S100Z: variants seen among roughly 807,000 people sequenced by gnomAD.
S100Z encodes S100 calcium binding protein Z.
Under a neutral mutation model 8.5 loss-of-function variants are expected in S100Z, and 11 were observed. The ratio of observed to expected loss-of-function variants is 1.30; its 90% CI spans 0.82 to 2.15. The LOEUF (loss-of-function observed/expected upper bound fraction) is 2.15, where lower values mean the gene tolerates loss of function less well. Ranked by LOEUF, S100Z falls within the 30% of genes most tolerant of loss-of-function variation. The pLI is 0.00. For synonymous variants in S100Z, 34 were observed against 43.8 expected (o/e 0.78, Z 0.89); for missense variants, 126 against 117.9 (o/e 1.07, Z -0.32).
At chr5:76,874,798 C>T (rs1743120753) in intron 2 of S100Z, among the ~76,000 whole-genome samples, 1 of 151,994 alleles carries the variant, frequency 6.6e-6, no homozygotes. Context: ...TAGGGATTAG[C>T]GAGGAGAAAC....
chr5:76,929,185 A>C, the S100Z span, among the ~76,000 whole-genome samples: 1 of 152,246 alleles, frequency 6.6e-6, no homozygotes, highest in Non-Finnish European at 1.5e-5. Flanking sequence ...ATGGAAAAAC[A>C]TAGGAAGAGG....
chr5:76,900,751 A>G (rs10038878), intron 4 of S100Z, among the ~76,000 whole-genome samples: 105,097 of 151,974 alleles, frequency 0.69, 37,023 homozygotes, highest in African/African-American at 0.82. Flanking sequence ...TAGTTCATTT[A>G]ATGAGGTCAT....
intron 4 of S100Z, among the ~76,000 whole-genome samples, chr5:76,887,706 C>T (rs771518043): frequency 1.7e-4 from 26 of 152,114 alleles, no homozygotes; most frequent in Non-Finnish European, 3.1e-4. Context: ...CCCAGAAGAG[C>T]CTTTCAATCT....
At chr5:76,889,791 C>T (rs1176776070) in intron 4 of S100Z, among the ~76,000 whole-genome samples, 1 of 152,212 alleles carries the variant, frequency 6.6e-6, no homozygotes, top group Non-Finnish European at 1.5e-5. Flanking sequence ...GTTTCTTATG[C>T]CCGGGGGCAC....
intron 4 of S100Z, among the ~76,000 whole-genome samples, chr5:76,910,557 C>G (rs1415351251): frequency 6.6e-6 from 1 of 152,150 alleles, no homozygotes; most frequent in African/African-American, 2.4e-5. Context: ...AAAGATTGTC[C>G]AACGAGAAAC....
downstream of S100Z, among the ~76,000 whole-genome samples, chr5:76,922,614 C>T (rs989582600): frequency 9.8e-5 from 15 of 152,334 alleles, no homozygotes; most frequent in East Asian, 2.7e-3. Flanking sequence ...AGCTCCGCCT[C>T]CTGGGTTCAT....
intron 4 of S100Z, among the ~76,000 whole-genome samples, chr5:76,879,247 G>A (rs1376800470): frequency 2.6e-5 from 4 of 152,140 alleles, no homozygotes; most frequent in Non-Finnish European, 5.9e-5. Flanking sequence ...TTGCAACTAT[G>A]AGGACCGTGG....
chr5:76,944,218 G>T, the S100Z span, among the ~76,000 whole-genome samples: 1 of 152,124 alleles, frequency 6.6e-6, no homozygotes, highest in Non-Finnish European at 1.5e-5. Context: ...TGCCTGGTGG[G>T]TGCCACATCT....
chr5:76,923,762 T>C (rs1745088292), downstream of S100Z, among the ~76,000 whole-genome samples: 1 of 152,222 alleles, frequency 6.6e-6, no homozygotes. Context: ...AGCATTAGCA[T>C]AGCCTGCACC....
chr5:76,904,784 ATCC>A (rs1235600210), intron 4 of S100Z, among the ~76,000 whole-genome samples: 1 of 151,922 alleles, frequency 6.6e-6, no homozygotes, highest in African/African-American at 2.4e-5. Flanking sequence ...GGCTCAAGTA[ATCC>A]TCCTGCCTCA....
chr5:76,883,079 C>T (rs1743472493), intron 4 of S100Z, among the ~76,000 whole-genome samples: 1 of 152,112 alleles, frequency 6.6e-6, no homozygotes, highest in Non-Finnish European at 1.5e-5. Flanking sequence ...CATGCTGTAA[C>T]AGGCAAGTGA....
the S100Z span, among the ~76,000 whole-genome samples, chr5:76,934,229 T>TA: frequency 2.3e-4 from 35 of 152,302 alleles, no homozygotes; most frequent in African/African-American, 8.2e-4. Context: ...CATGAGTGCT[T>TA]AAAAAACACA....
chr5:76,937,213 T>C, the S100Z span, among the ~76,000 whole-genome samples: 3 of 151,072 alleles, frequency 2.0e-5, no homozygotes, highest in Non-Finnish European at 4.4e-5. Flanking sequence ...ACATATCACT[T>C]AAGGACACAT....
At chr5:76,879,118 T>C (rs1743300069) in intron 4 of S100Z, among the ~76,000 whole-genome samples, 1 of 152,136 alleles carries the variant, frequency 6.6e-6, no homozygotes, top group South Asian at 2.1e-4. Context: ...TCTGGGAATG[T>C]TTTGCTATTG....
At chr5:76,922,367 T>C (rs73122076), downstream of S100Z, among the ~76,000 whole-genome samples, 13,900 of 152,258 alleles carry the variant, frequency 0.091, 1,941 homozygotes, top group African/African-American at 0.3. Context: ...TCTATTCTTC[T>C]GAAGGAAGCT....
chr5:76,891,616 G>T (rs1291495360), intron 4 of S100Z, among the ~76,000 whole-genome samples: 1 of 152,146 alleles, frequency 6.6e-6, no homozygotes, highest in Non-Finnish European at 1.5e-5. Flanking sequence ...AATAGAGATG[G>T]TCTAGACTCT....
intron 2 of S100Z, among the ~76,000 whole-genome samples, chr5:76,872,533 T>A (rs1036257356): frequency 6.6e-6 from 1 of 151,838 alleles, no homozygotes; most frequent in African/African-American, 2.4e-5. Flanking sequence ...TGATAACATG[T>A]GCCTGTTGTC....
chr5:76,895,426 T>A (rs1320691316), intron 4 of S100Z, among the ~76,000 whole-genome samples: 2 of 152,038 alleles, frequency 1.3e-5, no homozygotes, highest in Non-Finnish European at 2.9e-5. Flanking sequence ...TCATCAAATA[T>A]TATCTAGTGC....
chr5:76,927,915 T>G, the S100Z span, among the ~76,000 whole-genome samples: 1 of 152,028 alleles, frequency 6.6e-6, no homozygotes. Context: ...AAAAGCCAGG[T>G]TCAAGCTGAA....
Sources: gnomAD v4.1 joint callset for allele counts (sites outside exome capture counted in the v4.1 genomes callset) on GRCh38, gnomAD v4.1.1 for gene constraint, MANE v1.5 for transcripts, NCBI Gene and HGNC (gene_info 2026-07-23, HGNC 2026-07-21) for gene names.